The following NEB variants were observed in gnomAD, a reference collection of about 807,000 sequenced individuals.
The protein encoded by NEB is nemaline myopathy type 2.
A neutral mutation model predicts 952.2 loss-of-function variants in NEB; 512 were observed. The observed-to-expected ratio is 0.54, with a 90% CI of 0.50 to 0.58. NEB has a LOEUF of 0.58. Ranked by LOEUF, NEB falls within the 20% of genes least tolerant of loss-of-function variation. The pLI is 0.00. For synonymous variants in NEB, 2,900 were observed against 3,149.8 expected, an observed-to-expected ratio of 0.92 and a Z score of 2.66; for missense variants, 8,428 against 9,231.1, an observed-to-expected ratio of 0.91 and a Z score of 3.56.
Position 151,697,393 on chromosome 2 carries a change from G to A in NEB, c.1322C>T (p.Pro441Leu). ...GACTTTCATGCAGTGTGAATGGTAT[G>A]GATCCTCGAAGCTGCCTACATAATG... ...LGHYVGSFED[P>L]YHSHCMKVTA... The change falls in exon 15 of 182, where the codon CCA becomes CTA. Residue 441 changes from proline to leucine, a missense_variant. By Grantham distance (98) the Pro-to-Leu change is moderately conservative. Around this residue, in one of 11 missense-constraint regions of NEB, gnomAD observed 2,851 missense variants for 2,791.5 expected, o/e 1.02. Transcript: ENST00000397345. 1.2e-6 allele frequency: 2 copies of A among 1,613,928 alleles called. No individual in the cohort carries two copies. Among genetic ancestry groups the A allele is most frequent in the Non-Finnish European group, 1.7e-6 (2 of 1,179,858 alleles).
intron 40 of NEB, among the ~76,000 whole-genome samples, chr2:151,667,030 T>C (rs1300180624): frequency 6.6e-6 from 1 of 152,000 alleles, no homozygotes; most frequent in African/African-American, 2.4e-5. Context: ...GGAATATAAC[T>C]TAATTTGTAA....
chr2:151,608,794 T>A, intron 81 of NEB, 118 bp from the exon 82 acceptor site: 1 of 99,328 alleles, frequency 1.0e-5, no homozygotes, highest in Non-Finnish European at 2.2e-5. Flanking sequence ...TCCCAGCTAC[T>A]TGGGAGGCTG....
intron 153 of NEB, among the ~76,000 whole-genome samples, chr2:151,523,194 T>G (rs2083171796): frequency 6.6e-6 from 1 of 152,230 alleles, no homozygotes. Context: ...TTGGTGGTGG[T>G]GATCCCATAT....
chr2:151,496,998 A>G lies in NEB; in HGVS notation c.24336T>C (p.Pro8112=). The stretch of plus-strand genomic sequence containing the variant: ...TCTCCATCTCAGGAGTGACAGGTAG[A>G]GGGGTTCCCTTGCCCATGTTTTCTT... ...LYKENMGKGT[P]LPVTPEMERV... is the part of the protein sequence containing the mutation. The change falls in exon 172 of 182, where the codon CCT becomes CCC. Residue 8112 remains proline (P), a synonymous_variant. Transcript: ENST00000397345. 6.3e-7 allele frequency: 1 copy of G among 1,578,322 alleles called. No homozygotes were observed. The highest frequency in any genetic ancestry group is 2.3e-5 in the East Asian group (1 of 43,680).
At position 151,567,397 on chromosome 2, in the gene NEB, C is replaced by A. The variant is rs1172176105; in HGVS notation, c.17927G>T (p.Trp5976Leu). ...CTGAATCTGGCCTGCATGCTCAAAC[C>A]AAACCAGCTTAGGATCATCTCTCAT... ...PTMRDDPKLV[W>L]FEHAGQIQNE... The change falls in exon 114 of 182, where the codon TGG (tryptophan) becomes TTG (leucine). Residue 5976 changes from tryptophan (W) to leucine (L), a missense_variant. Transcript: ENST00000397345. 3 of 1,613,666 alleles carry A rather than the reference C, an allele frequency of 1.9e-6. No individual in the cohort carries two copies. The highest frequency in any genetic ancestry group is 2.5e-6 in the Non-Finnish European group (3 of 1,179,808).
intron 48 of NEB, among the ~76,000 whole-genome samples, chr2:151,657,019 A>T (rs2099092780): frequency 6.6e-6 from 1 of 152,122 alleles, no homozygotes; most frequent in Admixed American, 6.6e-5. Flanking sequence ...AACTGCTATA[A>T]TGGGGAAGAA....
chr2:151,496,155 G>A, intron 173 of NEB, 121 bp downstream of exon 173: 1 of 1,159,722 alleles, frequency 8.6e-7, no homozygotes, highest in South Asian at 1.4e-5. Flanking sequence ...GGGTAAATTT[G>A]CTAAAGAAAT....
At chr2:151,690,477 ATAAG>A (rs1360385977) in intron 24 of NEB, 17 of 382,202 alleles carry the variant, frequency 4.4e-5, no homozygotes, top group African/African-American at 1.6e-4. Flanking sequence ...ATCCTAATGA[ATAAG>A]TAAGATAGTC....
chr2:151,513,464 G>T, intron 160 of NEB, 116 bp downstream of exon 160: 1 of 733,792 alleles, frequency 1.4e-6, no homozygotes, highest in Non-Finnish European at 2.2e-6. Context: ...AGATGTTCAA[G>T]AATGCCATTG....
Position 151,687,732 on chromosome 2 carries a change from T to C in NEB, c.2417A>G (p.Asn806Ser). Residue 806 changes from asparagine to serine, a missense_variant and splice_region_variant, in exon 26 of 182, where the codon AAT becomes AGT. Coordinates refer to ENST00000397345, the MANE Select transcript of NEB (RefSeq NM_001164508.2). ...CTTCTCCCAGTCTTGCTTATAAACA[T>C]TCTGGACAAGAAAAATTCAGCAAAG... is the stretch of plus-strand genomic sequence containing the variant. Reference protein sequence around the residue: ...HRVNAYNLSDNVYKQDWEKSK... With the variant: ...HRVNAYNLSDSVYKQDWEKSK... The C allele has an allele frequency of 1.3e-6, 2 of 1,576,348 alleles. No homozygotes were observed. Among genetic ancestry groups the C allele is most frequent in the Non-Finnish European group, 1.7e-6 (2 of 1,159,808 alleles).
intron 20 of NEB, 162 bp from the exon 21 acceptor site, chr2:151,692,524 G>A: frequency 2.9e-6 from 2 of 679,574 alleles, no homozygotes; most frequent in Non-Finnish European, 5.3e-6. Flanking sequence ...TGTGGTAGAG[G>A]CTCATGCCTT....
intron 142 of NEB, chr2:151,534,406 G>T: frequency 9.1e-7 from 1 of 1,104,320 alleles, no homozygotes; most frequent in Non-Finnish European, 1.4e-6. Context: ...CAGAGGGCCA[G>T]AACATGTCAT....
chr2:151,725,055 AC>A, intron 6 of NEB, 94 bp from the exon 7 acceptor site: 1 of 903,538 alleles, frequency 1.1e-6, no homozygotes, highest in East Asian at 2.5e-5. Flanking sequence ...TACCCCAATG[AC>A]TCTAGGTCTG....
intron 168 of NEB, among the ~76,000 whole-genome samples, chr2:151,499,917 A>G (rs2063150822): frequency 6.6e-6 from 1 of 152,200 alleles, no homozygotes; most frequent in Non-Finnish European, 1.5e-5. Context: ...CCACTGGGCA[A>G]TTTTGCCTAA....
At chr2:151,679,667 A>ACCCCC in intron 32 of NEB, 54 bp downstream of exon 32, 1 of 486,346 alleles carries the variant, frequency 2.1e-6, no homozygotes, top group Non-Finnish European at 4.1e-6. Flanking sequence ...TCAGACCCCA[A>ACCCCC]GCCCACCCAC....
intron 9 of NEB, among the ~76,000 whole-genome samples, chr2:151,719,771 T>C (rs540121903): frequency 1.5e-4 from 22 of 151,056 alleles, no homozygotes; most frequent in African/African-American, 5.1e-4. Context: ...CCCAGCTACT[T>C]GGGAGGCTGA....
At chr2:151,489,385 A>G (rs1395881566) in intron 181 of NEB, among the ~76,000 whole-genome samples, 2 of 152,216 alleles carry the variant, frequency 1.3e-5, no homozygotes, top group East Asian at 3.8e-4. Context: ...ATATGTGGGC[A>G]CATTGCATAC....
chr2:151,567,097 C>T (rs2153737639), intron 114 of NEB, 71 bp downstream of exon 114: 1 of 1,328,612 alleles, frequency 7.5e-7, no homozygotes, highest in South Asian at 1.5e-5. Flanking sequence ...ACTTGTGGAT[C>T]TGGGATGTTG....
At position 151,727,805 on chromosome 2, in the gene NEB, T is replaced by G. The variant is rs1247519619; in HGVS notation, c.180A>C (p.Pro60=). ...PALAQPALAQ[P]ASAKPVERRK... Reference sequence around the variant, plus strand: ...TCCTCTCCACCGGCTTTGCTGATGCTGGCTGTGCCAGTGCTGGCTGTGCCA... The same window carrying G: ...TCCTCTCCACCGGCTTTGCTGATGCGGGCTGTGCCAGTGCTGGCTGTGCCA... The change falls in exon 5 of 182, where the codon CCA becomes CCC. Residue 60 remains proline (P), a synonymous_variant. Coordinates refer to ENST00000397345, the MANE Select transcript of NEB (RefSeq NM_001164508.2). 2 of 1,599,182 alleles carry G rather than the reference T, an allele frequency of 1.3e-6. No individual in the cohort carries two copies. The highest frequency in any genetic ancestry group is 3.4e-5 in the Admixed American group (2 of 59,342).
Sources: gnomAD v4.1 joint callset for allele counts (sites outside exome capture counted in the v4.1 genomes callset) on GRCh38, gnomAD v4.1.1 for gene constraint, gnomAD v4.1.1 regional missense constraint, MANE v1.5 for transcripts, NCBI Gene and HGNC (gene_info 2026-07-23, HGNC 2026-07-21) for gene names.